The following AGAP1 variants were observed in gnomAD, a reference collection of about 807,000 sequenced individuals.
AGAP1 encodes arf-GAP with GTPase, ANK repeat and PH domain-containing protein 1.
In AGAP1, 29 loss-of-function variants were observed where a neutral mutation model predicts 105.3. The observed-to-expected ratio is 0.28, with a 90% confidence interval of 0.21 to 0.38. The LOEUF (loss-of-function observed/expected upper bound fraction) is 0.38, where lower values mean the gene tolerates loss of function less well. Among genes scored for constraint, AGAP1 ranks in the 10% least tolerant of loss-of-function variants. AGAP1 has a pLI of 1.00. For synonymous variants in AGAP1, 509 were observed against 485.9 expected, an observed-to-expected ratio of 1.05 and a Z score of -0.63; for missense variants, 998 against 1,165.1, an observed-to-expected ratio of 0.86 and a Z score of 2.09.
chr2:235,683,245 G>C (rs1949185955), intron 1 of AGAP1, among the ~76,000 whole-genome samples: 1 of 151,996 alleles, frequency 6.6e-6, no homozygotes, highest in South Asian at 2.1e-4. Flanking sequence ...GGCAGATGTT[G>C]CAGTGAGCTG....
chr2:235,968,704 A>T, intron 13 of AGAP1, 81 bp downstream of exon 13: 1 of 1,392,886 alleles, frequency 7.2e-7, no homozygotes, highest in Non-Finnish European at 9.9e-7. Context: ...GAAATTAGAC[A>T]CCCTTAGCAC....
intron 1 of AGAP1, among the ~76,000 whole-genome samples, chr2:235,511,870 G>GCGTATGTGGA (rs1559212667): frequency 6.7e-6 from 1 of 149,784 alleles, no homozygotes; most frequent in Non-Finnish European, 1.5e-5. Context: ...GAATGTGTGT[G>GCGTATGTGGA]TGTATGTGAA....
chr2:235,963,611 G>A lies in AGAP1; in HGVS notation c.1484-4851G>A, dbSNP rs1280120837. The stretch of plus-strand genomic sequence containing the variant: ...GAAAGATATGTGAGCTGAACACAAA[G>A]ACAGTGTAATTTATCTAGGCTCAGT... On this transcript the variant is annotated intron_variant, in intron 12 of 17. Coordinates refer to ENST00000304032, the MANE Select transcript of AGAP1 (RefSeq NM_001037131.3). The surrounding 1 kb of genome is among the most constrained non-coding windows in gnomAD (Gnocchi z 5.1). 6.6e-6 allele frequency among the ~76,000 whole-genome samples: 1 copy of A among 152,204 alleles called. No individual in the cohort carries two copies. Among genetic ancestry groups the A allele is most frequent in the Non-Finnish European group, 1.5e-5 (1 of 68,032 alleles).
rs536679022 is a variant in AGAP1, at chr2:235,549,669, C to T, written c.163+54820C>T. Among the ~76,000 whole-genome samples, 6 of 152,332 alleles carry T rather than the reference C, an allele frequency of 3.9e-5. No homozygotes were observed. The highest frequency in any genetic ancestry group is 5.9e-5 in the Non-Finnish European group (4 of 68,026). On this transcript the variant is annotated intron_variant, in intron 1 of 17. Transcript: ENST00000304032. The surrounding 1 kb of genome is among the most constrained non-coding windows in gnomAD (Gnocchi z 4.2). ...TTAAAAATGAGCCTAATACTGTTCA[C>T]GTTTTAGCACCTGGCAAATGTATTG... is the stretch of plus-strand genomic sequence containing the variant.
rs77122975 is a variant in AGAP1, at chr2:235,569,569, A to G, written c.163+74720A>G. ...AATTCTGCCCTCTGCCCATGTGAGC[A>G]TGGTCTGTGAGCAAACCTTCCTGTG... On this transcript the variant is annotated intron_variant, in intron 1 of 17. Transcript: ENST00000304032. This position sits in a 1 kb window ranked among gnomAD's most constrained non-coding sequence, Gnocchi z 5.9. Among the ~76,000 whole-genome samples the G allele has an allele frequency of 1.5e-3, 227 of 152,300 alleles. No homozygotes were observed. The highest frequency in any genetic ancestry group is 5.3e-3 in the African/African-American group (219 of 41,570).
chr2:235,800,470 A>G (rs937400563), intron 8 of AGAP1, among the ~76,000 whole-genome samples: 1 of 152,100 alleles, frequency 6.6e-6, no homozygotes. Flanking sequence ...CAGAGGTGGC[A>G]AAAATGCTGC....
Position 235,983,123 on chromosome 2 carries a change from A to AG in AGAP1, c.1645+14504dup, listed in dbSNP as rs879509383. ...ATTTGCTGAGCAGGAAGCTGGCCTC[A>AG]GGGGTCTCCCAGGATGCTGGGGCTG... On this transcript the variant is annotated intron_variant, in intron 13 of 17. Coordinates refer to ENST00000304032, the MANE Select transcript of AGAP1 (RefSeq NM_001037131.3). This position sits in a 1 kb window ranked among gnomAD's most constrained non-coding sequence, Gnocchi z 4.5. Among the ~76,000 whole-genome samples the AG allele has an allele frequency of 6.6e-6, 1 of 152,154 alleles. No homozygotes were observed. The highest frequency in any genetic ancestry group is 1.5e-5 in the Non-Finnish European group (1 of 68,022).
In AGAP1 at chr2:236,124,281, A is replaced by C; in HGVS notation, c.*159A>C. ...CACTCTCACCCCAAACAAAATCACA[A>C]AACCTGGACATCCCTCAAGGGGCGA... On this transcript the variant is annotated 3_prime_UTR_variant, in exon 18 of 18. Transcript: ENST00000304032. This position sits in a 1 kb window ranked among gnomAD's most constrained non-coding sequence, Gnocchi z 5.1. 1 of 792,332 alleles carries C rather than the reference A, an allele frequency of 1.3e-6. No individual in the cohort carries two copies. The highest frequency in any genetic ancestry group is 1.9e-6 in the Non-Finnish European group (1 of 521,232). 49.1% of individuals were successfully genotyped at this position (792,332 alleles called of 1,614,324 possible).
chr2:235,926,933 A>G (rs1022423267), intron 11 of AGAP1, among the ~76,000 whole-genome samples: 15 of 152,366 alleles, frequency 9.8e-5, no homozygotes, highest in African/African-American at 3.4e-4. Flanking sequence ...AAGTGATGCC[A>G]GAAACCACCA....
At chr2:235,573,680 C>G (rs1944645108) in intron 1 of AGAP1, among the ~76,000 whole-genome samples, 2 of 152,216 alleles carry the variant, frequency 1.3e-5, no homozygotes, top group Non-Finnish European at 1.5e-5. Context: ...GGACAGAATT[C>G]TGGTCTCTGC....
chr2:235,705,040 G>A lies in AGAP1; in HGVS notation c.164-4139G>A, dbSNP rs1263374195. 7.2e-6 allele frequency among the ~76,000 whole-genome samples: 1 copy of A among 139,010 alleles called. No individual in the cohort carries two copies. Among genetic ancestry groups the A allele is most frequent in the Non-Finnish European group, 1.5e-5 (1 of 65,918 alleles). 91.2% of individuals were successfully genotyped at this position (139,010 alleles called of 152,430 possible). ...GTTGCCCAGGCTGGAGTGCAATGGT[G>A]GGATCTCGGCTCGCTGCAACCTCTA... On this transcript the variant is annotated intron_variant, in intron 1 of 17. Transcript: ENST00000304032. This position sits in a 1 kb window ranked among gnomAD's most constrained non-coding sequence, Gnocchi z 4.9.
At position 235,867,175 on chromosome 2, in the gene AGAP1, A is replaced by C. The variant is rs938552373; in HGVS notation, c.1051-16170A>C. On this transcript the variant is annotated intron_variant, in intron 9 of 17. Transcript: ENST00000304032. The surrounding 1 kb of genome is among the most constrained non-coding windows in gnomAD (Gnocchi z 5.4). ...GAATTGAATTTGCCAATTTACATTA[A>C]AGTTTCTGGCCTCTGATTGGGTCTG... is the stretch of plus-strand genomic sequence containing the variant. 4.6e-5 allele frequency among the ~76,000 whole-genome samples: 7 copies of C among 152,148 alleles called. No homozygotes were observed. Among genetic ancestry groups the C allele is most frequent in the Non-Finnish European group, 8.8e-5 (6 of 68,024 alleles).
intron 1 of AGAP1, among the ~76,000 whole-genome samples, chr2:235,514,491 A>G (rs530474791): frequency 1.3e-5 from 2 of 152,348 alleles, no homozygotes; most frequent in South Asian, 4.1e-4. Flanking sequence ...TGTGGAGGAT[A>G]CCGTCAGCCA....
chr2:235,577,794 A>G lies in AGAP1; in HGVS notation c.163+82945A>G, dbSNP rs1357902388. 6.6e-6 allele frequency among the ~76,000 whole-genome samples: 1 copy of G among 151,960 alleles called. No homozygotes were observed. The highest frequency in any genetic ancestry group is 1.9e-4 in the East Asian group (1 of 5,168). ...CCCCGGGAGAGAGAGTAGGTTTGCT[A>G]TTCCTGAAATGTAATCCCTCCTTCA... On this transcript the variant is annotated intron_variant, in intron 1 of 17. Transcript: ENST00000304032. This position sits in a 1 kb window ranked among gnomAD's most constrained non-coding sequence, Gnocchi z 4.5.
At chr2:235,915,804 A>G (rs1255952041) in intron 11 of AGAP1, among the ~76,000 whole-genome samples, 1 of 152,254 alleles carries the variant, frequency 6.6e-6, no homozygotes, top group African/African-American at 2.4e-5. Context: ...CAAAGATGTA[A>G]CAGAAGAATA....
rs35825564 is a variant in AGAP1, at chr2:235,970,206, TAAAAAAAAAAAA to T, written c.1645+1594_1645+1605del. The stretch of plus-strand genomic sequence containing the variant: ...GGGCGACAGAGTGAGACTCTGTCTT[TAAAAAAAAAAAA>T]AAAAAAAAAAGACGATTTTTCTCAT... On this transcript the variant is annotated intron_variant, in intron 13 of 17. Coordinates refer to ENST00000304032, the MANE Select transcript of AGAP1 (RefSeq NM_001037131.3). This position sits in a 1 kb window ranked among gnomAD's most constrained non-coding sequence, Gnocchi z 5.4. Among the ~76,000 whole-genome samples the T allele has an allele frequency of 8.5e-6, 1 of 117,882 alleles. No individual in the cohort carries two copies. Among genetic ancestry groups the T allele is most frequent in the East Asian group, 2.5e-4 (1 of 3,996 alleles). 77.3% of individuals were successfully genotyped at this position (117,882 alleles called of 152,430 possible).
chr2:235,790,267 G>A (rs1956894993), intron 6 of AGAP1, among the ~76,000 whole-genome samples: 1 of 152,114 alleles, frequency 6.6e-6, no homozygotes, highest in Admixed American at 6.5e-5. Flanking sequence ...AACTCATTTT[G>A]GTAGCTTAGA....
intron 1 of AGAP1, among the ~76,000 whole-genome samples, chr2:235,638,065 A>G (rs1206990104): frequency 1.3e-5 from 2 of 152,184 alleles, no homozygotes; most frequent in Non-Finnish European, 2.9e-5. Context: ...CACAAATAAT[A>G]TCTTACCGGC....
intron 6 of AGAP1, among the ~76,000 whole-genome samples, chr2:235,767,845 C>A (rs896622230): frequency 3.9e-5 from 5 of 129,176 alleles, no homozygotes; most frequent in African/African-American, 1.5e-4. Flanking sequence ...AGTACAGTGG[C>A]GTGATTTGGA....
Sources: allele counts gnomAD v4.1 joint callset (sites outside exome capture counted in the v4.1 genomes callset), GRCh38; gene constraint gnomAD v4.1.1; non-coding constraint Gnocchi (gnomAD v3.1); transcripts MANE v1.5; gene names NCBI Gene and HGNC (gene_info 2026-07-23, HGNC 2026-07-21).